The following MSX1 variants were observed in gnomAD, a reference collection of about 807,000 sequenced individuals.
MSX1 encodes homeobox protein MSX-1.
In MSX1, 11 loss-of-function variants were observed where a neutral mutation model predicts 17.0. The observed-to-expected ratio is 0.65, with a 90% CI of 0.41 to 1.07. The LOEUF (loss-of-function observed/expected upper bound fraction) is 1.07, where lower values mean the gene tolerates loss of function less well. MSX1 is among the 50% of genes least tolerant of loss of function. The pLI, the probability that MSX1 is intolerant of heterozygous loss-of-function variation, is 0.00. For missense variants in MSX1, 477 were observed against 440.1 expected, an observed-to-expected ratio of 1.08 and a Z score of -0.75; for synonymous variants, 253 against 211.8, an observed-to-expected ratio of 1.19 and a Z score of -1.69.
chr4:4,861,864 G>A (rs1737922783), intron 1 of MSX1, among the ~76,000 whole-genome samples: 1 of 150,208 alleles, frequency 6.7e-6, no homozygotes, highest in African/African-American at 2.5e-5. Flanking sequence ...TGAGGGGAGA[G>A]GCGATCTCAA....
Position 4,860,373 on chromosome 4 carries a change from G to A in MSX1, c.469+5G>A. On this transcript the variant is annotated splice_donor_5th_base_variant and intron_variant, in intron 1 of 1. Coordinates refer to ENST00000382723, the MANE Select transcript of MSX1 (RefSeq NM_002448.3). Reference sequence around the variant, plus strand: ...GCTTCTCCCCGCCGCCGGCCAGTGAGTAGCCAGAACCCAGGCGCAGAGGGA... The same window carrying A: ...GCTTCTCCCCGCCGCCGGCCAGTGAATAGCCAGAACCCAGGCGCAGAGGGA... The A allele has an allele frequency of 6.3e-7, 1 of 1,588,500 alleles. No individual in the cohort carries two copies. The highest frequency in any genetic ancestry group is 8.6e-7 in the Non-Finnish European group (1 of 1,168,552).
chr4:4,862,383 C>A, intron 1 of MSX1: 1 of 527,204 alleles, frequency 1.9e-6, no homozygotes, highest in Non-Finnish European at 3.5e-6. Flanking sequence ...CCTAAGCCGC[C>A]GGGCAGCACA....
At position 4,861,506 on chromosome 4, in the gene MSX1, GGTT is replaced by G. The variant is rs756285017; in HGVS notation, c.469+1142_469+1144del. On this transcript the variant is annotated intron_variant, in intron 1 of 1. Transcript: ENST00000382723. ...TGTTTTGTTTTTTCTGTTTGTTTGT[GGTT>G]GTTTTTTAGAGAGGTGTGAAAAAAT... Among the ~76,000 whole-genome samples, 4 of 152,346 alleles carry G rather than the reference GGTT, an allele frequency of 2.6e-5. No individual in the cohort carries two copies. The East Asian group carries it at 5.8e-4, about 22-fold the overall frequency.
chr4:4,860,958 G>C (rs3116581), intron 1 of MSX1, among the ~76,000 whole-genome samples: 66,501 of 152,084 alleles, frequency 0.44, 15,826 homozygotes, highest in East Asian at 0.68. Context: ...TCAATTAGGG[G>C]AAGGCGCCCC....
In MSX1 at chr4:4,863,354, T is replaced by TACGGCGACAACC; in HGVS notation, c.*211_*212insACGGCGACAACC. The TACGGCGACAACC allele has an allele frequency of 5.3e-6, 2 of 374,032 alleles. No homozygotes were observed. The highest frequency in any genetic ancestry group is 9.4e-6 in the Non-Finnish European group (2 of 213,060). 23.2% of individuals were successfully genotyped at this position (374,032 alleles called of 1,614,324 possible). ...GAGTCCCTTAGTACTCTTCTAGCAT[T>TACGGCGACAACC]TAGATCTACACTCTCGAGTTAAAGA... On this transcript the variant is annotated 3_prime_UTR_variant, in exon 2 of 2. Transcript: ENST00000382723.
chr4:4,862,034 G>T (rs3775262), intron 1 of MSX1, among the ~76,000 whole-genome samples: 63,296 of 151,796 alleles, frequency 0.42, 14,129 homozygotes, highest in East Asian at 0.68. Context: ...CTCGTTCTCC[G>T]CTCCAGATGA....
In MSX1 at chr4:4,863,698, AAC is replaced by A. The variant is rs1157714874; in HGVS notation, c.*559_*560del. The A allele has an allele frequency of 6.6e-6, 1 of 152,238 alleles. No individual in the cohort carries two copies. Among genetic ancestry groups the A allele is most frequent in the Admixed American group, 6.6e-5 (1 of 15,240 alleles). 9.4% of individuals were successfully genotyped at this position (152,238 alleles called of 1,614,324 possible). A position where few individuals can be genotyped will look rare whatever the true frequency, so the allele number is the denominator to read the frequency against. On this transcript the variant is annotated 3_prime_UTR_variant, in exon 2 of 2. Transcript: ENST00000382723. ...AACATTTGCTCTGGGGGGCAGGGAA[AAC>A]ACAGATGTGTTGCAAAGGTAGGTTG...
At position 4,863,244 on chromosome 4, in the gene MSX1, T is replaced by G. The variant is rs1424980726; in HGVS notation, c.*101T>G. The stretch of plus-strand genomic sequence containing the variant: ...CTCGGCACCGCCAGCCGCCTTCCCT[T>G]TAACCCTCACACTGCTCCAGTTTCA... On this transcript the variant is annotated 3_prime_UTR_variant, in exon 2 of 2. Coordinates refer to ENST00000382723, the MANE Select transcript of MSX1 (RefSeq NM_002448.3). 1.6e-6 allele frequency: 2 copies of G among 1,245,010 alleles called. No individual in the cohort carries two copies. Among genetic ancestry groups the G allele is most frequent in the Non-Finnish European group, 2.3e-6 (2 of 888,094 alleles). 77.1% of individuals were successfully genotyped at this position (1,245,010 alleles called of 1,614,324 possible). A position where few individuals can be genotyped will look rare whatever the true frequency, so the allele number is the denominator to read the frequency against.
chr4:4,863,324 TGGAAGAGTCCC>T lies in MSX1; in HGVS notation c.*182_*192del. On this transcript the variant is annotated 3_prime_UTR_variant, in exon 2 of 2. Transcript: ENST00000382723. ...AGTCTGATCCCTGCCAAAAAGTGGC[TGGAAGAGTCCC>T]TTAGTACTCTTCTAGCATTTAGATC... The T allele has an allele frequency of 3.1e-6, 2 of 641,186 alleles. No homozygotes were observed. The highest frequency in any genetic ancestry group is 1.8e-5 in the African/African-American group (1 of 54,878). The allele number at this position is 641,186 out of a possible 1,614,324, so 39.7% of individuals were successfully genotyped here.
chr4:4,861,081 G>A (rs1737906688), intron 1 of MSX1, among the ~76,000 whole-genome samples: 1 of 152,278 alleles, frequency 6.6e-6, no homozygotes, highest in African/African-American at 2.4e-5. Flanking sequence ...GCTCTACTCA[G>A]AGAACACGCT....
rs772045530 is a variant in MSX1 at position 4,863,032 on chromosome 4, G to C, written c.801G>C (p.Ala267=). 3.1e-6 allele frequency: 5 copies of C among 1,610,004 alleles called. No individual in the cohort carries two copies. In the African/African-American group the frequency reaches 4.0e-5, roughly 13 times the overall value. The part of the protein sequence containing the change: ...LGGPAAVAAA[A]GASLYGASGP... Reference sequence around the variant, plus strand: ...GCCCCGCAGCTGTAGCGGCCGCGGCGGGTGCCTCGCTCTACGGTGCCTCTG... The same window carrying C: ...GCCCCGCAGCTGTAGCGGCCGCGGCCGGTGCCTCGCTCTACGGTGCCTCTG... The change falls in exon 2 of 2, where the codon GCG becomes GCC. Residue 267 remains alanine (A), a synonymous_variant. Transcript: ENST00000382723.
In MSX1 at chr4:4,862,886, T is replaced by G; in HGVS notation, c.655T>G (p.Trp219Gly). Residue 219 changes from tryptophan (W) to glycine (G), a missense_variant, in exon 2 of 2, where the codon TGG (tryptophan) becomes GGG (glycine). By Grantham distance (184) the Trp-to-Gly change is radical. Coordinates refer to ENST00000382723, the MANE Select transcript of MSX1 (RefSeq NM_002448.3). ...LSLTETQVKI[W>G]FQNRRAKAKR... is the part of the protein sequence containing the mutation. ...CCTCACTGAGACGCAGGTGAAGATATGGTTCCAGAACCGCCGCGCCAAGGC... is the reference window on the plus strand; with the variant it reads ...CCTCACTGAGACGCAGGTGAAGATAGGGTTCCAGAACCGCCGCGCCAAGGC... 1 of 1,613,692 alleles carries G rather than the reference T, an allele frequency of 6.2e-7. No homozygotes were observed. Among genetic ancestry groups the G allele is most frequent in the Non-Finnish European group, 8.5e-7 (1 of 1,180,016 alleles).
chr4:4,863,225 A>C lies in MSX1; in HGVS notation c.*82A>C. On this transcript the variant is annotated 3_prime_UTR_variant, in exon 2 of 2. Transcript: ENST00000382723. ...CCCCCGACGTGCTCCCCTGCTCGGC[A>C]CCGCCAGCCGCCTTCCCTTTAACCC... The C allele has an allele frequency of 7.1e-7, 1 of 1,402,834 alleles. No individual in the cohort carries two copies. The highest frequency in any genetic ancestry group is 9.7e-7 in the Non-Finnish European group (1 of 1,029,318). The allele number at this position is 1,402,834 out of a possible 1,614,324, so 86.9% of individuals were successfully genotyped here.
Position 4,860,005 on chromosome 4 carries a change from G to A in MSX1, c.106G>A (p.Ala36Thr), listed in dbSNP as rs1346030752. The A allele has an allele frequency of 1.1e-5, 16 of 1,497,132 alleles. No homozygotes were observed. In the African/African-American group the frequency reaches 1.2e-4, roughly 11 times the overall value. 92.7% of individuals were successfully genotyped at this position (1,497,132 alleles called of 1,614,324 possible). A position where few individuals can be genotyped will look rare whatever the true frequency, so the allele number is the denominator to read the frequency against. The change falls in exon 1 of 2, where the codon GCC (alanine) becomes ACC (threonine). Residue 36 changes from alanine to threonine, a missense_variant. By Grantham distance (58) the Ala-to-Thr change is moderately conservative. This residue lies in a region of MSX1 where 355 missense variants were observed against 306.1 expected (regional missense o/e 1.16). Transcript: ENST00000382723. ...AGGCGCGGGCCAGGCCCCCAGCGCC[G>A]CCGCGGCCACGGCAGCCGCCATGGG... ...GGGAGQAPSA[A>T]AATAAAMGAD...
At position 4,859,837 on chromosome 4, in the gene MSX1, C is replaced by G. The variant is rs1336837211; in HGVS notation, c.-63C>G. ...CGCAGAGGCCGGCCGCGCTCCCAGC[C>G]CGCCCGGAGCCCATGCCCGGCGGCT... is the stretch of plus-strand genomic sequence containing the variant. On this transcript the variant is annotated 5_prime_UTR_variant, in exon 1 of 2. Transcript: ENST00000382723. The G allele has an allele frequency of 7.3e-7, 1 of 1,361,220 alleles. No homozygotes were observed. The highest frequency in any genetic ancestry group is 9.5e-7 in the Non-Finnish European group (1 of 1,051,190). 84.3% of individuals were successfully genotyped at this position (1,361,220 alleles called of 1,614,324 possible).
chr4:4,859,816 G>A lies in MSX1; in HGVS notation c.-84G>A. 8.1e-7 allele frequency: 1 copy of A among 1,233,568 alleles called. No individual in the cohort carries two copies. The highest frequency in any genetic ancestry group is 1.0e-6 in the Non-Finnish European group (1 of 972,466). 76.4% of individuals were successfully genotyped at this position (1,233,568 alleles called of 1,614,324 possible). A position where few individuals can be genotyped will look rare whatever the true frequency, so the allele number is the denominator to read the frequency against. ...CCGGCCAGGGCCCCGGGCGCTCGCA[G>A]AGGCCGGCCGCGCTCCCAGCCCGCC... On this transcript the variant is annotated 5_prime_UTR_variant, in exon 1 of 2. Transcript: ENST00000382723.
rs33949394 is a variant in MSX1 at position 4,863,552 on chromosome 4, C to CAAAAAAAAAAAAAAAAAAAAAAA, written c.*423_*445dup. The CAAAAAAAAAAAAAAAAAAAAAAA allele has an allele frequency of 2.8e-4, 12 of 42,122 alleles. 3 individuals are homozygous for CAAAAAAAAAAAAAAAAAAAAAAA. The highest frequency in any genetic ancestry group is 4.3e-4 in the Non-Finnish European group (10 of 23,380). 2.6% of individuals were successfully genotyped at this position (42,122 alleles called of 1,614,324 possible). On this transcript the variant is annotated 3_prime_UTR_variant, in exon 2 of 2. Coordinates refer to ENST00000382723, the MANE Select transcript of MSX1 (RefSeq NM_002448.3). ...ACGATTTTGGAAATGAGAACAATCT[C>CAAAAAAAAAAAAAAAAAAAAAAA]AAAAAAAAAAAAAAAAAAAAAAAAA...
chr4:4,859,864 GC>G lies in MSX1; in HGVS notation c.-34del. ...GCCCGGAGCCCATGCCCGGCGGCTG[GC>G]CAGTGCTGCGGCAGAAGGGGGGGCC... is the stretch of plus-strand genomic sequence containing the variant. On this transcript the variant is annotated 5_prime_UTR_variant, in exon 1 of 2. Coordinates refer to ENST00000382723, the MANE Select transcript of MSX1 (RefSeq NM_002448.3). 2.1e-6 allele frequency: 3 copies of G among 1,452,304 alleles called. No homozygotes were observed. The highest frequency in any genetic ancestry group is 1.4e-5 in the South Asian group (1 of 71,814). 90.0% of individuals were successfully genotyped at this position (1,452,304 alleles called of 1,614,324 possible). A position where few individuals can be genotyped will look rare whatever the true frequency, so the allele number is the denominator to read the frequency against.
At position 4,862,855 on chromosome 4, in the gene MSX1, G is replaced by T. The variant is rs369820958; in HGVS notation, c.624G>T (p.Ser208=). Residue 208 remains serine, a synonymous_variant, in exon 2 of 2, where the codon TCG becomes TCT. Coordinates refer to ENST00000382723, the MANE Select transcript of MSX1 (RefSeq NM_002448.3). The part of the protein sequence containing the change: ...SIAERAEFSS[S]LSLTETQVKI... ...CCGAGCGCGCGGAGTTCTCCAGCTCGCTCAGCCTCACTGAGACGCAGGTGA... is the reference window on the plus strand; with the variant it reads ...CCGAGCGCGCGGAGTTCTCCAGCTCTCTCAGCCTCACTGAGACGCAGGTGA... The T allele has an allele frequency of 4.8e-5, 77 of 1,613,688 alleles. No homozygotes were observed. The Middle Eastern group carries it at 6.6e-4, about 14-fold the overall frequency.
Sources: allele counts gnomAD v4.1 joint callset (sites outside exome capture counted in the v4.1 genomes callset), GRCh38; gene constraint gnomAD v4.1.1; regional missense constraint gnomAD v4.1.1; transcripts MANE v1.5; gene names NCBI Gene and HGNC (gene_info 2026-07-23, HGNC 2026-07-21).